The following FER1L5 variants were observed in gnomAD, a reference collection of about 807,000 sequenced individuals.
The protein encoded by FER1L5 is fer-1-like protein 5.
Under a neutral mutation model 279.9 loss-of-function variants are expected in FER1L5, and 187 were observed. That is an observed-to-expected ratio of 0.67 (90% CI 0.59 to 0.75). FER1L5 has a LOEUF of 0.75. FER1L5 is among the 30% of genes least tolerant of loss of function. FER1L5 has a pLI of 0.00. For missense variants in FER1L5, 2,091 were observed against 2,594.4 expected, an observed-to-expected ratio of 0.81 and a Z score of 4.21; for synonymous variants, 921 against 989.7, an observed-to-expected ratio of 0.93 and a Z score of 1.30.
intron 9 of FER1L5, among the ~76,000 whole-genome samples, chr2:96,658,416 A>G (rs539808089): frequency 8.0e-5 from 12 of 149,716 alleles, no homozygotes; most frequent in Admixed American, 5.3e-4. Flanking sequence ...TCCCGGGTTC[A>G]AGTGATTCTC....
chr2:96,691,299 C>T lies in FER1L5; in HGVS notation c.2853C>T (p.Phe951=), dbSNP rs2077133589. The T allele has an allele frequency of 6.4e-7, 1 of 1,550,492 alleles. No homozygotes were observed. ...CRRRRWARVR[F]RNHGELSHEQ... ...GCCGGCGCTGGGCGCGTGTGCGCTT[C>T]AGGAACCATGGGGAGCTGAGCCACG... is the stretch of plus-strand genomic sequence containing the variant. Residue 951 remains phenylalanine, a synonymous_variant, in exon 28 of 53, where the codon TTC becomes TTT. Coordinates refer to ENST00000624922, the MANE Select transcript of FER1L5 (RefSeq NM_001293083.2). This position sits in a 1 kb window ranked among gnomAD's most constrained non-coding sequence, Gnocchi z 6.0.
chr2:96,681,772 T>TTTTATTGATTTA (rs1553457220), intron 19 of FER1L5, among the ~76,000 whole-genome samples: 1 of 147,424 alleles, frequency 6.8e-6, no homozygotes, highest in Non-Finnish European at 1.5e-5. Flanking sequence ...TGAGAGATTA[T>TTTTATTGATTTA]TTTATTTATT....
chr2:96,690,613 G>A, intron 27 of FER1L5, 24 bp downstream of exon 27: 1 of 1,543,538 alleles, frequency 6.5e-7, no homozygotes. Flanking sequence ...TCAGGGTTGG[G>A]ATCGGGAGAG....
rs1292465073 is a variant in FER1L5, at chr2:96,684,497, T to G, written c.1794+46T>G. On this transcript the variant is annotated intron_variant, in intron 20 of 52. Coordinates refer to ENST00000624922, the MANE Select transcript of FER1L5 (RefSeq NM_001293083.2). ...TGCTGGGAAGACACCTGTTTCAGAG[T>G]GTGGCTGGGAGACTTGGGAAACTGC... The G allele has an allele frequency of 2.5e-5, 39 of 1,534,474 alleles. No individual in the cohort carries two copies. The East Asian group carries it at 9.6e-4, about 38-fold the overall frequency.
At position 96,689,539 on chromosome 2, in the gene FER1L5, A is replaced by C. The variant is rs1253574738; in HGVS notation, c.2526-105A>C. 2 of 1,425,768 alleles carry C rather than the reference A, an allele frequency of 1.4e-6. No individual in the cohort carries two copies. The highest frequency in any genetic ancestry group is 2.8e-5 in the African/African-American group (2 of 70,562). The allele number at this position is 1,425,768 out of a possible 1,614,324, so 88.3% of individuals were successfully genotyped here. A position where few individuals can be genotyped will look rare whatever the true frequency, so the allele number is the denominator to read the frequency against. ...CCCACCACCCTGTCCTGCCCAGAGC[A>C]GGTGGGGATGGGATGCCAGGTATGG... On this transcript the variant is annotated intron_variant, in intron 25 of 52. Coordinates refer to ENST00000624922, the MANE Select transcript of FER1L5 (RefSeq NM_001293083.2). The surrounding 1 kb of genome is among the most constrained non-coding windows in gnomAD (Gnocchi z 4.6).
Position 96,691,421 on chromosome 2 carries a change from AC to A in FER1L5, c.2908-21del, listed in dbSNP as rs777415047. On this transcript the variant is annotated intron_variant, in intron 28 of 52. Transcript: ENST00000624922. This position sits in a 1 kb window ranked among gnomAD's most constrained non-coding sequence, Gnocchi z 6.0. ...CCGCCTTGGCTGCTGCAGGAACACA[AC>A]CCTGCTCTCCTCCCCACCACAGGGC... The A allele has an allele frequency of 2.6e-6, 4 of 1,535,518 alleles. No homozygotes were observed. The highest frequency in any genetic ancestry group is 3.5e-6 in the Non-Finnish European group (4 of 1,137,692).
Position 96,702,648 on chromosome 2 carries a change from C to T in FER1L5, c.5304C>T (p.Tyr1768=), listed in dbSNP as rs746214147. 1 of 1,603,464 alleles carries T rather than the reference C, an allele frequency of 6.2e-7. No individual in the cohort carries two copies. Among genetic ancestry groups the T allele is most frequent in the East Asian group, 2.3e-5 (1 of 44,392 alleles). ...EKDMQKTDIH[Y]HSLTGEADFN... is the part of the protein sequence containing the mutation. ...ACATGCAGAAGACAGACATCCACTA[C>T]CACTCGCTGACTGGGGAGGCCGACT... Residue 1768 remains tyrosine (Y), a synonymous_variant, in exon 48 of 53, where the codon TAC becomes TAT. Coordinates refer to ENST00000624922, the MANE Select transcript of FER1L5 (RefSeq NM_001293083.2). The surrounding 1 kb of genome is among the most constrained non-coding windows in gnomAD (Gnocchi z 4.0).
In FER1L5 at chr2:96,691,494, C is replaced by T. The variant is rs755160795; in HGVS notation, c.2957C>T (p.Ser986Phe). Residue 986 changes from serine (S) to phenylalanine (F), a missense_variant, in exon 29 of 53, where the codon TCC becomes TTC. By Grantham distance (155) the Ser-to-Phe change is radical (BLOSUM62 -2). Transcript: ENST00000624922. The surrounding 1 kb of genome is among the most constrained non-coding windows in gnomAD (Gnocchi z 6.0). ...GGCTGGGAGTATGACACCTTCGGCT[C>T]CAAGTTCCACCTCAACCCTCAGCCC... The part of the protein sequence containing the change: ...EEGWEYDTFG[S>F]KFHLNPQPQS... The T allele has an allele frequency of 2.6e-6, 4 of 1,549,840 alleles. No individual in the cohort carries two copies. The highest frequency in any genetic ancestry group is 3.5e-6 in the Non-Finnish European group (4 of 1,146,348).
At chr2:96,647,705 A>G (rs2075196339) in intron 3 of FER1L5, 73 bp from the exon 4 acceptor site, 8 of 1,132,778 alleles carry the variant, frequency 7.1e-6, no homozygotes, top group Non-Finnish European at 9.1e-6. Flanking sequence ...CTCTAGCTAA[A>G]GCCCTGCCCG....
rs1355855198 is a variant in FER1L5, at chr2:96,659,430, T to G, written c.748-911T>G. On this transcript the variant is annotated intron_variant, in intron 9 of 52. Coordinates refer to ENST00000624922, the MANE Select transcript of FER1L5 (RefSeq NM_001293083.2). ...CTTTCTTTCTTTCTTTCTTTCTTTC[T>G]TTCTTTCTTTCTTTCTTTCTTTCTT... Among the ~76,000 whole-genome samples, 8 of 16,594 alleles carry G rather than the reference T, an allele frequency of 4.8e-4. No individual in the cohort carries two copies. The East Asian group carries it at 9.3e-3, about 19-fold the overall frequency. The allele number at this position is 16,594 out of a possible 152,430, so 10.9% of individuals were successfully genotyped here. A position where few individuals can be genotyped will look rare whatever the true frequency, so the allele number is the denominator to read the frequency against.
In FER1L5 at chr2:96,695,677, G is replaced by A. The variant is rs963449557; in HGVS notation, c.3894+16G>A. 1.2e-6 allele frequency: 2 copies of A among 1,605,068 alleles called. No individual in the cohort carries two copies. Among genetic ancestry groups the A allele is most frequent in the Admixed American group, 1.7e-5 (1 of 58,892 alleles). ...CCTCACAGTGGTAAGAGGCCCCAGGGCAGGGGCTGGGCAGCCCTCTTCTTC... is the reference window on the plus strand; with the variant it reads ...CCTCACAGTGGTAAGAGGCCCCAGGACAGGGGCTGGGCAGCCCTCTTCTTC... On this transcript the variant is annotated intron_variant, in intron 35 of 52. Coordinates refer to ENST00000624922, the MANE Select transcript of FER1L5 (RefSeq NM_001293083.2).
At position 96,689,690 on chromosome 2, in the gene FER1L5, G is replaced by A. The variant is rs1218228486; in HGVS notation, c.2572G>A (p.Val858Ile). The A allele has an allele frequency of 6.4e-7, 1 of 1,551,050 alleles. No homozygotes were observed. Among genetic ancestry groups the A allele is most frequent in the Admixed American group, 2.0e-5 (1 of 50,990 alleles). ...DINKSQVLEE[V>I]YENQGRDTRG... ...CAACAAGAGCCAGGTGCTGGAGGAG[G>A]TATATGAGAACCAGGGCCGTGACAC... The change falls in exon 26 of 53, where the codon GTA becomes ATA. Residue 858 changes from valine to isoleucine, a missense_variant. Physicochemically the swap from Val to Ile is conservative, Grantham distance 29 (BLOSUM62 3). Coordinates refer to ENST00000624922, the MANE Select transcript of FER1L5 (RefSeq NM_001293083.2). The surrounding 1 kb of genome is among the most constrained non-coding windows in gnomAD (Gnocchi z 4.6).
At chr2:96,656,574 G>A (rs539224870) in intron 9 of FER1L5, among the ~76,000 whole-genome samples, 6 of 152,188 alleles carry the variant, frequency 3.9e-5, no homozygotes, top group Non-Finnish European at 7.3e-5. Context: ...AGGTTGCAGT[G>A]AGCCAAGATT....
chr2:96,670,335 A>G lies in FER1L5; in HGVS notation c.1491+88A>G, dbSNP rs2076278145. ...TGGATCCCAGTTTCTGACCGTGTAGAGAGGCCCTGGCCACTGGCTGTTGAG... is the reference window on the plus strand; with the variant it reads ...TGGATCCCAGTTTCTGACCGTGTAGGGAGGCCCTGGCCACTGGCTGTTGAG... On this transcript the variant is annotated intron_variant, in intron 18 of 52. Transcript: ENST00000624922. 3 of 1,507,510 alleles carry G rather than the reference A, an allele frequency of 2.0e-6. No individual in the cohort carries two copies. In the Admixed American group the frequency reaches 6.2e-5, roughly 31 times the overall value. 93.4% of individuals were successfully genotyped at this position (1,507,510 alleles called of 1,614,324 possible).
chr2:96,683,115 C>T (rs1012294434), intron 19 of FER1L5, among the ~76,000 whole-genome samples: 5 of 152,278 alleles, frequency 3.3e-5, no homozygotes, highest in African/African-American at 4.8e-5. Flanking sequence ...TCTCATTCCC[C>T]GGCCCCAACG....
At chr2:96,658,209 GT>G (rs2075676467) in intron 9 of FER1L5, among the ~76,000 whole-genome samples, 1 of 151,428 alleles carries the variant, frequency 6.6e-6, no homozygotes, top group Admixed American at 6.6e-5. Flanking sequence ...GTAGAGACAG[GT>G]TTTCACCATG....
chr2:96,645,673 G>A (rs779325039), intron 1 of FER1L5, among the ~76,000 whole-genome samples: 1 of 152,082 alleles, frequency 6.6e-6, no homozygotes, highest in Non-Finnish European at 1.5e-5. Flanking sequence ...TCCAAGCTAC[G>A]TGGGAGGTGG....
rs962394187 is a variant in FER1L5 at position 96,694,143 on chromosome 2, G to A, written c.3636+71G>A. On this transcript the variant is annotated intron_variant, in intron 33 of 52. Transcript: ENST00000624922. This position sits in a 1 kb window ranked among gnomAD's most constrained non-coding sequence, Gnocchi z 4.6. Reference sequence around the variant, plus strand: ...CCTCCCCGTCCCACCCCCAGCCAGCGGGGGCCAACTCCACCCTGTCAGGAA... The same window carrying A: ...CCTCCCCGTCCCACCCCCAGCCAGCAGGGGCCAACTCCACCCTGTCAGGAA... The A allele has an allele frequency of 4.7e-6, 7 of 1,478,780 alleles. No homozygotes were observed. Among genetic ancestry groups the A allele is most frequent in the East Asian group, 2.5e-5 (1 of 40,346 alleles). 91.6% of individuals were successfully genotyped at this position (1,478,780 alleles called of 1,614,324 possible). A position where few individuals can be genotyped will look rare whatever the true frequency, so the allele number is the denominator to read the frequency against.
At chr2:96,700,600 C>T in intron 45 of FER1L5, 129 bp downstream of exon 45, 1 of 1,232,098 alleles carries the variant, frequency 8.1e-7, no homozygotes, top group Non-Finnish European at 1.1e-6. Context: ...AATGTACATG[C>T]ACAGAAGACA....
Sources: gnomAD v4.1 joint callset for allele counts (sites outside exome capture counted in the v4.1 genomes callset) on GRCh38, gnomAD v4.1.1 for gene constraint, Gnocchi (gnomAD v3.1) non-coding constraint, MANE v1.5 for transcripts, NCBI Gene and HGNC (gene_info 2026-07-23, HGNC 2026-07-21) for gene names.